Variants in DLC1 observed in about 807,000 individuals in gnomAD.
DLC1 encodes the protein rho GTPase-activating protein 7.
DLC1 carries 54 observed loss-of-function variants against 140.3 expected under a neutral mutation model. That is an observed-to-expected ratio of 0.38 (90% CI 0.31 to 0.48). The LOEUF (loss-of-function observed/expected upper bound fraction) is 0.48. Ranked by LOEUF, DLC1 falls within the 20% of genes least tolerant of loss-of-function variation. The pLI, the probability that DLC1 is intolerant of heterozygous loss-of-function variation, is 0.96. For missense variants in DLC1, 2,536 were observed against 1,907.0 expected, an observed-to-expected ratio of 1.33 and a Z score of -6.14; for synonymous variants, 986 against 728.1, an observed-to-expected ratio of 1.35 and a Z score of -5.70.
At chr8:13,568,674 T>C (rs1049605352) in intron 1 of DLC1, among the ~76,000 whole-genome samples, 8 of 152,086 alleles carry the variant, frequency 5.3e-5, no homozygotes, top group Non-Finnish European at 8.8e-5. Flanking sequence ...GCAGAAAAGA[T>C]TGTGAAAAAA....
intron 1 of DLC1, among the ~76,000 whole-genome samples, chr8:13,523,712 G>A (rs1321378623): frequency 1.3e-5 from 2 of 152,128 alleles, no homozygotes; most frequent in Non-Finnish European, 2.9e-5. Context: ...GAAAAAATTA[G>A]CATGGTTTAG....
intron 1 of DLC1, among the ~76,000 whole-genome samples, chr8:13,549,518 G>A (rs181534938): frequency 1.3e-5 from 2 of 152,178 alleles, no homozygotes; most frequent in Admixed American, 1.3e-4. Flanking sequence ...CCAGTGAGAT[G>A]ACACAGAAAC....
At chr8:13,091,044 G>A (rs2128929271) in intron 14 of DLC1, among the ~76,000 whole-genome samples, 1 of 152,236 alleles carries the variant, frequency 6.6e-6, no homozygotes, top group South Asian at 2.1e-4. Context: ...CGGAGCTCAA[G>A]TGATCCACCC....
chr8:13,453,449 C>T (rs867034760), intron 2 of DLC1, among the ~76,000 whole-genome samples: 551 of 9,842 alleles, frequency 0.056, 8 homozygotes, highest in Admixed American at 0.059. Flanking sequence ...TATATATATA[C>T]ATATATATAT....
chr8:13,541,738 A>G (rs1803491201), intron 1 of DLC1, among the ~76,000 whole-genome samples: 1 of 152,072 alleles, frequency 6.6e-6, no homozygotes, highest in African/African-American at 2.4e-5. Context: ...TTTAGTAGAG[A>G]TGGGGTTTCA....
Position 13,085,872 on chromosome 8 carries a change from A to G in DLC1, c.4526T>C (p.Val1509Ala). 1.2e-6 allele frequency: 2 copies of G among 1,614,236 alleles called. No individual in the cohort carries two copies. The highest frequency in any genetic ancestry group is 1.7e-6 in the Non-Finnish European group (2 of 1,180,034). Residue 1509 changes from valine (V) to alanine (A), a missense_variant, in exon 18 of 18, where the codon GTA (valine) becomes GCA (alanine). Val to Ala is a moderately conservative substitution (Grantham distance 64). Coordinates refer to ENST00000276297, the MANE Select transcript of DLC1 (RefSeq NM_182643.3). Reference sequence around the variant, plus strand: ...GTTACTGAAGGAATCCCGGATCTTTACAACTTCAGCTGCACACAAATGTCC... The same window carrying G: ...GTTACTGAAGGAATCCCGGATCTTTGCAACTTCAGCTGCACACAAATGTCC... ...SFGHLCAAEV[V>A]KIRDSFSNQN...
intron 1 of DLC1, among the ~76,000 whole-genome samples, chr8:13,581,489 C>G (rs1805096942): frequency 6.6e-6 from 1 of 152,194 alleles, no homozygotes; most frequent in Admixed American, 6.5e-5. Flanking sequence ...TTTTCTTTCT[C>G]TGATGTACTA....
At chr8:13,598,852 T>G (rs888352178) in intron 1 of DLC1, among the ~76,000 whole-genome samples, 3 of 151,934 alleles carry the variant, frequency 2.0e-5, no homozygotes, top group African/African-American at 7.2e-5. Context: ...AAAAATAATT[T>G]AAAACTTTTT....
chr8:13,322,696 A>C (rs1833175386), intron 4 of DLC1, among the ~76,000 whole-genome samples: 1 of 152,208 alleles, frequency 6.6e-6, no homozygotes, highest in Admixed American at 6.5e-5. Flanking sequence ...GTGTCAGTAA[A>C]AAGCTGAGTC....
Position 13,173,178 on chromosome 8 carries a change from C to T in DLC1, c.1349-57521G>A, listed in dbSNP as rs1283322752. ...TTTGAGCCCTATTTTTAAAGTTCCC[C>T]ATGAGAGGTTTGGCTTCTTGCAAAC... On this transcript the variant is annotated intron_variant, in intron 5 of 17. Coordinates refer to ENST00000276297, the MANE Select transcript of DLC1 (RefSeq NM_182643.3). Among the ~76,000 whole-genome samples the T allele has an allele frequency of 5.3e-5, 8 of 152,216 alleles. No homozygotes were observed. The East Asian group carries it at 7.7e-4, about 15-fold the overall frequency.
intron 2 of DLC1, among the ~76,000 whole-genome samples, chr8:13,489,227 G>A (rs1397328556): frequency 1.3e-5 from 2 of 152,124 alleles, no homozygotes; most frequent in Non-Finnish European, 2.9e-5. Context: ...GATTACAGGC[G>A]TGAGCCACCG....
intron 4 of DLC1, among the ~76,000 whole-genome samples, chr8:13,391,191 C>A (rs289559): frequency 0.37 from 55,762 of 151,792 alleles, 10,991 homozygotes; most frequent in East Asian, 0.77. Flanking sequence ...TGTCTAAGTC[C>A]ACCTGTGCTG....
chr8:13,438,213 T>C (rs1839208176), intron 2 of DLC1, among the ~76,000 whole-genome samples: 1 of 152,120 alleles, frequency 6.6e-6, no homozygotes, highest in Non-Finnish European at 1.5e-5. Context: ...CAGAATCTCT[T>C]TGTGGACTCT....
chr8:13,206,621 A>G (rs1044697569), intron 5 of DLC1, among the ~76,000 whole-genome samples: 1 of 152,188 alleles, frequency 6.6e-6, no homozygotes, highest in Admixed American at 6.6e-5. Context: ...TGGAGATAAC[A>G]TTGCAAAATT....
At chr8:13,109,563 T>C (rs1472982892) in intron 7 of DLC1, among the ~76,000 whole-genome samples, 8 of 129,806 alleles carry the variant, frequency 6.2e-5, no homozygotes, top group African/African-American at 2.0e-4. Context: ...TCTTTAAAAA[T>C]AAAAAAAAAT....
At chr8:13,237,938 G>A (rs1189978966) in intron 5 of DLC1, among the ~76,000 whole-genome samples, 5 of 151,762 alleles carry the variant, frequency 3.3e-5, no homozygotes, top group Non-Finnish European at 7.4e-5. Context: ...GAGAGCAAGA[G>A]CAAGAAAGAA....
intron 5 of DLC1, among the ~76,000 whole-genome samples, chr8:13,238,849 GTGGGCTTACC>G (rs1384360877): frequency 6.6e-6 from 1 of 152,174 alleles, no homozygotes; most frequent in Non-Finnish European, 1.5e-5. Context: ...CAGGAGGGGC[GTGGGCTTACC>G]TGGGAACAAT....
In DLC1 at chr8:13,545,016, AG is replaced by A. The variant is rs1803608093; in HGVS notation, c.-125-44821del. On this transcript the variant is annotated intron_variant, in intron 1 of 1. Transcript: ENST00000631382. ...TGTGCAGTACTGCAGCCCTGTCCAC[AG>A]GGGCTGGGTTTTTGTTTATATTTTC... Among the ~76,000 whole-genome samples the A allele has an allele frequency of 2.0e-5, 3 of 152,142 alleles. No individual in the cohort carries two copies. The South Asian group carries it at 6.2e-4, about 32-fold the overall frequency.
At chr8:13,575,434 G>A (rs11996815) in intron 1 of DLC1, among the ~76,000 whole-genome samples, 5,981 of 152,102 alleles carry the variant, frequency 0.039, 441 homozygotes, top group African/African-American at 0.14. Context: ...TTATAATTAG[G>A]GGGTGGGGCC....
Sources: gnomAD v4.1 joint callset for allele counts (sites outside exome capture counted in the v4.1 genomes callset) on GRCh38, gnomAD v4.1.1 for gene constraint, MANE v1.5 for transcripts, NCBI Gene and HGNC (gene_info 2026-07-23, HGNC 2026-07-21) for gene names.